Variants in FRYL observed in about 807,000 individuals in gnomAD.
FRYL encodes FRY like transcription coactivator, also known as protein furry homolog-like.
FRYL carries 150 observed loss-of-function variants against 351.2 expected under a neutral mutation model. That is an observed-to-expected ratio of 0.43 (90% CI 0.37 to 0.49). FRYL has a LOEUF of 0.49. Among genes scored for constraint, FRYL ranks in the 20% least tolerant of loss-of-function variants. The pLI is 0.00. For missense variants in FRYL, 3,036 were observed against 3,619.3 expected, an observed-to-expected ratio of 0.84 and a Z score of 4.13; for synonymous variants, 1,153 against 1,257.1, an observed-to-expected ratio of 0.92 and a Z score of 1.75.
chr4:48,590,949 G>T (rs1046093358), intron 16 of FRYL, 119 bp from the exon 17 acceptor site: 1 of 689,588 alleles, frequency 1.5e-6, no homozygotes, highest in Admixed American at 2.9e-5. Context: ...AAGATAGAAG[G>T]AACACTAACC....
chr4:48,629,942 G>C (rs964911410), intron 4 of FRYL, among the ~76,000 whole-genome samples: 1 of 152,146 alleles, frequency 6.6e-6, no homozygotes, highest in Admixed American at 6.5e-5. Flanking sequence ...TCTTAGGAAA[G>C]GGCAAAATAC....
chr4:48,758,227 T>G (rs1428568395), intron 1 of FRYL, among the ~76,000 whole-genome samples: 1 of 152,102 alleles, frequency 6.6e-6, no homozygotes, highest in Non-Finnish European at 1.5e-5. Flanking sequence ...AAGCCAAAAT[T>G]GACAAATGAG....
chr4:48,507,518 A>G (rs531991230), intron 59 of FRYL, among the ~76,000 whole-genome samples: 17 of 112,410 alleles, frequency 1.5e-4, no homozygotes, highest in African/African-American at 5.7e-4. Context: ...CTATCGGCCA[A>G]AACTCACTCA....
chr4:48,570,488 G>T (rs1322743609), intron 27 of FRYL, among the ~76,000 whole-genome samples: 2 of 152,062 alleles, frequency 1.3e-5, no homozygotes, highest in African/African-American at 4.8e-5. Flanking sequence ...TTTAAAATGA[G>T]GTAAGAAAAA....
At chr4:48,774,322 A>C (rs111787852) in intron 1 of FRYL, among the ~76,000 whole-genome samples, 2 of 152,286 alleles carry the variant, frequency 1.3e-5, no homozygotes, top group African/African-American at 4.8e-5. Context: ...TTAACATATC[A>C]AAACTGCTGC....
Position 48,557,583 on chromosome 4 carries a change from T to C in FRYL, c.3995A>G (p.Glu1332Gly). ...KPLPTARRHDEDEDDSLKDRE... is the reference protein window; with the variant it reads ...KPLPTARRHDGDEDDSLKDRE... ...GTCTTTTAAGGAATCATCTTCATCT[T>C]CATCATGTCGCCTTGCTGTGGGGAG... Residue 1332 changes from glutamate to glycine, a missense_variant, in exon 34 of 64, where the codon GAA becomes GGA. Glu to Gly is a moderately conservative substitution (Grantham distance 98, BLOSUM62 -2). Coordinates refer to ENST00000358350, the MANE Select transcript of FRYL (RefSeq NM_015030.2). The C allele has an allele frequency of 6.2e-7, 1 of 1,614,198 alleles. No homozygotes were observed. The highest frequency in any genetic ancestry group is 8.5e-7 in the Non-Finnish European group (1 of 1,180,044).
At chr4:48,662,391 C>A (rs1488741611) in intron 3 of FRYL, among the ~76,000 whole-genome samples, 2 of 151,818 alleles carry the variant, frequency 1.3e-5, no homozygotes, top group Non-Finnish European at 2.9e-5. Context: ...GCAGCCTGGG[C>A]AACAGAGCGA....
At chr4:48,532,099 T>C (rs1269163659) in intron 49 of FRYL, among the ~76,000 whole-genome samples, 2 of 152,160 alleles carry the variant, frequency 1.3e-5, no homozygotes, top group African/African-American at 2.4e-5. Flanking sequence ...CTGAAAAGGA[T>C]ACATAGAAAA....
At chr4:48,639,116 T>A (rs11728565) in intron 3 of FRYL, among the ~76,000 whole-genome samples, 77,571 of 151,478 alleles carry the variant, frequency 0.51, 20,276 homozygotes, top group South Asian at 0.61. Context: ...AAAAAAAAAA[T>A]CTGACTTCAA....
At chr4:48,773,654 G>A (rs191408395) in intron 1 of FRYL, among the ~76,000 whole-genome samples, 145 of 152,200 alleles carry the variant, frequency 9.5e-4, no homozygotes, top group African/African-American at 3.1e-3. Flanking sequence ...ACCTTTCTAC[G>A]GTGGCTCACA....
At chr4:48,633,835 A>G (rs1438749643) in intron 4 of FRYL, among the ~76,000 whole-genome samples, 1 of 152,148 alleles carries the variant, frequency 6.6e-6, no homozygotes, top group African/African-American at 2.4e-5. Context: ...TTCAACCACC[A>G]TATTATCCAT....
intron 1 of FRYL, among the ~76,000 whole-genome samples, chr4:48,753,537 G>A (rs969584749): frequency 3.3e-5 from 5 of 151,552 alleles, no homozygotes; most frequent in African/African-American, 7.3e-5. Flanking sequence ...GAGTTTTCTC[G>A]GTACAAGTCC....
At chr4:48,630,031 C>G (rs1442901477) in intron 4 of FRYL, among the ~76,000 whole-genome samples, 1 of 151,934 alleles carries the variant, frequency 6.6e-6, no homozygotes, top group African/African-American at 2.4e-5. Context: ...ATATATAAAC[C>G]AAATATCAAA....
chr4:48,664,027 A>G (rs1440258659), intron 3 of FRYL, among the ~76,000 whole-genome samples: 1 of 152,190 alleles, frequency 6.6e-6, no homozygotes, highest in Admixed American at 6.5e-5. Flanking sequence ...ACTGTTCAGC[A>G]GGTGGGTATT....
At position 48,540,675 on chromosome 4, in the gene FRYL, C is replaced by T; in HGVS notation, c.5973G>A (p.Gln1991=). ...SLREKGMYDV[Q]STTEPTNLMA... Reference sequence around the variant, plus strand: ...TCAAGTTGGTAGGCTCAGTAGTGGACTGCACGTCATACATTCCTTTCTCTC... The same window carrying T: ...TCAAGTTGGTAGGCTCAGTAGTGGATTGCACGTCATACATTCCTTTCTCTC... The change falls in exon 46 of 64, where the codon CAG becomes CAA. Residue 1991 remains glutamine (Q), a synonymous_variant. Coordinates refer to ENST00000358350, the MANE Select transcript of FRYL (RefSeq NM_015030.2). 6.2e-7 allele frequency: 1 copy of T among 1,613,960 alleles called. No individual in the cohort carries two copies. The highest frequency in any genetic ancestry group is 8.5e-7 in the Non-Finnish European group (1 of 1,179,882).
rs780961805 is a variant in FRYL at position 48,515,033 on chromosome 4, C to G, written c.7932G>C (p.Leu2644=). The G allele has an allele frequency of 1.1e-5, 17 of 1,613,140 alleles. No homozygotes were observed. The highest frequency in any genetic ancestry group is 3.3e-5 in the Admixed American group (2 of 59,912). Residue 2644 remains leucine, a synonymous_variant, in exon 56 of 64, where the codon CTG becomes CTC. Coordinates refer to ENST00000358350, the MANE Select transcript of FRYL (RefSeq NM_015030.2). Reference sequence around the variant, plus strand: ...TTATGATACTGTATTCTCACCTAGACAGTCCGGAGAAATCCGCTTCTTCTT... The same window carrying G: ...TTATGATACTGTATTCTCACCTAGAGAGTCCGGAGAAATCCGCTTCTTCTT... ...CEEEEADFSG[L]SSQDEEEQDG... is the part of the protein sequence containing the mutation.
intron 3 of FRYL, among the ~76,000 whole-genome samples, chr4:48,639,182 G>A (rs1303528295): frequency 4.6e-5 from 7 of 151,930 alleles, no homozygotes; most frequent in East Asian, 1.9e-4. Context: ...AAGTTAATTC[G>A]TGTGTATCAA....
intron 2 of FRYL, among the ~76,000 whole-genome samples, chr4:48,696,485 C>T (rs1766174544): frequency 1.3e-5 from 2 of 152,006 alleles, no homozygotes; most frequent in South Asian, 2.1e-4. Flanking sequence ...AACGAGAACA[C>T]GTGGACACTG....
chr4:48,698,834 T>C (rs1328933064), intron 2 of FRYL, among the ~76,000 whole-genome samples: 1 of 151,358 alleles, frequency 6.6e-6, no homozygotes, highest in African/African-American at 2.4e-5. Flanking sequence ...GGCTTTATTC[T>C]CCACAGTGGT....
Sources: allele counts gnomAD v4.1 joint callset (sites outside exome capture counted in the v4.1 genomes callset), GRCh38; gene constraint gnomAD v4.1.1; transcripts MANE v1.5; gene names NCBI Gene and HGNC (gene_info 2026-07-23, HGNC 2026-07-21).